PHF14: variants seen among roughly 807,000 people sequenced by gnomAD.
The protein encoded by PHF14 is PHD finger protein 14.
In PHF14, 55 loss-of-function variants were observed where a neutral mutation model predicts 117.9. The ratio of observed to expected loss-of-function variants is 0.47; its 90% confidence interval spans 0.38 to 0.58. The LOEUF is 0.58. Ranked by LOEUF, PHF14 falls within the 20% of genes least tolerant of loss-of-function variation. The pLI is 0.00. For missense variants in PHF14, 978 were observed against 1,122.2 expected (o/e 0.87, Z 1.84); for synonymous variants, 409 against 368.6 (o/e 1.11, Z -1.26).
chr7:10,990,561 T>C (rs1782414189), intron 3 of PHF14, 142 bp from the exon 4 acceptor site: 1 of 575,334 alleles, frequency 1.7e-6, no homozygotes, highest in Non-Finnish European at 3.0e-6. Context: ...TAATGTACTT[T>C]GAAGTTAATA....
chr7:11,138,093 T>C (rs1583494588), intron 17 of PHF14, among the ~76,000 whole-genome samples: 2 of 151,176 alleles, frequency 1.3e-5, no homozygotes, highest in Non-Finnish European at 2.9e-5. Flanking sequence ...CAGGCTGGAG[T>C]GCAGTGGCAC....
At chr7:11,062,294 T>A (rs944701784) in intron 16 of PHF14, 2 of 358,678 alleles carry the variant, frequency 5.6e-6, no homozygotes, top group Non-Finnish European at 9.9e-6. Context: ...AGAGTGATAA[T>A]CTGCCTGTTT....
chr7:11,051,566 G>A, intron 13 of PHF14, 46 bp from the exon 14 acceptor site: 1 of 1,496,318 alleles, frequency 6.7e-7, no homozygotes, highest in Middle Eastern at 1.7e-4. Flanking sequence ...GCTAAAGCCA[G>A]AAGATAATAA....
chr7:11,153,948 C>CGTGTGTGTGT (rs10593375), intron 17 of PHF14, among the ~76,000 whole-genome samples: 20 of 149,378 alleles, frequency 1.3e-4, no homozygotes, highest in African/African-American at 3.9e-4. Flanking sequence ...TCTGTGTGTG[C>CGTGTGTGTGT]GTGTGTGTGT....
intron 6 of PHF14, among the ~76,000 whole-genome samples, chr7:11,026,722 G>GTTTTTTTTTTTTTTTT (rs577300752): frequency 7.9e-6 from 1 of 125,872 alleles, no homozygotes; most frequent in African/African-American, 2.9e-5. Flanking sequence ...GTTGAAGCTT[G>GTTTTTTTTTTTTTTTT]TTTTTTTTTT....
At chr7:11,168,547 A>G (rs560238194) in intron 17 of PHF14, among the ~76,000 whole-genome samples, 3 of 152,322 alleles carry the variant, frequency 2.0e-5, no homozygotes, top group South Asian at 2.1e-4. Context: ...GATATTGATG[A>G]TTATTACTGT....
intron 17 of PHF14, among the ~76,000 whole-genome samples, chr7:11,158,629 G>A (rs1788931090): frequency 6.6e-6 from 1 of 152,048 alleles, no homozygotes; most frequent in Non-Finnish European, 1.5e-5. Flanking sequence ...AAAATCTGGT[G>A]AAGAAACTGA....
chr7:11,120,930 G>T (rs562899854), intron 17 of PHF14, among the ~76,000 whole-genome samples: 2 of 152,054 alleles, frequency 1.3e-5, no homozygotes, highest in Non-Finnish European at 2.9e-5. Flanking sequence ...AAATATCCAA[G>T]AAATTTTTCT....
At chr7:11,081,500 C>T (rs969984817) in intron 16 of PHF14, among the ~76,000 whole-genome samples, 12 of 152,168 alleles carry the variant, frequency 7.9e-5, no homozygotes, top group African/African-American at 2.6e-4. Context: ...CCTTATTCAG[C>T]CATTTTTTAA....
intron 16 of PHF14, among the ~76,000 whole-genome samples, chr7:11,068,965 T>G (rs1175752193): frequency 6.6e-6 from 1 of 152,318 alleles, no homozygotes; most frequent in South Asian, 2.1e-4. Flanking sequence ...TTTAAGAATG[T>G]AATGTTTTTG....
intron 16 of PHF14, among the ~76,000 whole-genome samples, chr7:11,099,812 T>G (rs573790252): frequency 1.2e-3 from 187 of 152,200 alleles, no homozygotes; most frequent in African/African-American, 4.4e-3. Flanking sequence ...ATATACAGTT[T>G]CAAAAAAGAT....
intron 11 of PHF14, 25 bp from the exon 12 acceptor site, chr7:11,040,647 A>G (rs755595331): frequency 2.4e-6 from 3 of 1,270,312 alleles, no homozygotes; most frequent in Admixed American, 2.4e-5. Context: ...AAAACAATAT[A>G]TACTACATTT....
chr7:11,027,393 C>T (rs562037083), intron 6 of PHF14, among the ~76,000 whole-genome samples: 1 of 152,162 alleles, frequency 6.6e-6, no homozygotes, highest in South Asian at 2.1e-4. Context: ...ATGTAGTTCA[C>T]TTTGAATACT....
chr7:11,093,114 A>C (rs77372952), intron 16 of PHF14, among the ~76,000 whole-genome samples: 1,890 of 152,258 alleles, frequency 0.012, 37 homozygotes, highest in African/African-American at 0.043. Context: ...TCTTTAACTC[A>C]TGGGTTATTT....
At chr7:11,163,818 CAT>C (rs1458529839) in intron 17 of PHF14, among the ~76,000 whole-genome samples, 1 of 152,132 alleles carries the variant, frequency 6.6e-6, no homozygotes, top group South Asian at 2.1e-4. Context: ...ACATATCTAG[CAT>C]ATGTTTTTAA....
intron 16 of PHF14, chr7:11,105,050 C>A: frequency 1.1e-6 from 1 of 897,950 alleles, no homozygotes; most frequent in Non-Finnish European, 1.3e-6. Flanking sequence ...TTGTTTTACA[C>A]TGACTATGGA....
At chr7:11,066,434 C>A (rs1489186345) in intron 16 of PHF14, among the ~76,000 whole-genome samples, 1 of 152,120 alleles carries the variant, frequency 6.6e-6, no homozygotes, top group Non-Finnish European at 1.5e-5. Flanking sequence ...TCTGTTCTAA[C>A]TAGTATGGAG....
chr7:10,988,434 A>T (rs1681285), intron 3 of PHF14, among the ~76,000 whole-genome samples: 150,758 of 152,252 alleles, frequency 0.99, 74,650 homozygotes, highest in East Asian at 1. Flanking sequence ...CCAGGGCTGA[A>T]TAATTTTAAT....
chr7:11,103,592 T>C (rs1321069615), intron 16 of PHF14: 24 of 983,962 alleles, frequency 2.4e-5, no homozygotes, highest in African/African-American at 7.0e-5. Flanking sequence ...ATTGCACTTA[T>C]ACATGTAAAT....
Sources: gnomAD v4.1 joint callset for allele counts (sites outside exome capture counted in the v4.1 genomes callset) on GRCh38, gnomAD v4.1.1 for gene constraint, MANE v1.5 for transcripts, NCBI Gene and HGNC (gene_info 2026-07-23, HGNC 2026-07-21) for gene names.